Variants in FGD4 observed in about 807,000 individuals in gnomAD.
FGD4 encodes the protein FYVE, RhoGEF and PH domain-containing protein 4.
FGD4 carries 42 observed loss-of-function variants against 102.0 expected under a neutral mutation model. That is an observed-to-expected ratio of 0.41 (90% CI 0.32 to 0.53). The LOEUF (loss-of-function observed/expected upper bound fraction) is 0.53. Among genes scored for constraint, FGD4 ranks in the 20% least tolerant of loss-of-function variants. The pLI is 0.21. For synonymous variants in FGD4, 380 were observed against 375.7 expected, an observed-to-expected ratio of 1.01 and a Z score of -0.13; for missense variants, 902 against 1,078.2, an observed-to-expected ratio of 0.84 and a Z score of 2.29.
At position 32,619,833 on chromosome 12, in the gene FGD4, G is replaced by A. The variant is rs1949692662; in HGVS notation, c.1885G>A (p.Val629Met). 1.2e-6 allele frequency: 2 copies of A among 1,614,058 alleles called. No homozygotes were observed. Among genetic ancestry groups the A allele is most frequent in the Non-Finnish European group, 1.7e-6 (2 of 1,179,964 alleles). ...TGAAGAATATCCACATACTTTCCAG[G>A]TGTCTGGGAAAGAGAGAACACTGGA... The part of the protein sequence containing the change: ...QNEEYPHTFQ[V>M]SGKERTLELQ... Residue 629 changes from valine to methionine, a missense_variant, in exon 11 of 17, where the codon GTG becomes ATG. Physicochemically the swap from Val to Met is conservative, Grantham distance 21. Coordinates refer to ENST00000534526, the MANE Select transcript of FGD4 (RefSeq NM_001370298.3).
At chr12:32,401,283 G>T (rs185383952) in intron 1 of FGD4, among the ~76,000 whole-genome samples, 1 of 152,096 alleles carries the variant, frequency 6.6e-6, no homozygotes, top group African/African-American at 2.4e-5. Context: ...TTTGTGAGAC[G>T]GAGTCTCACT....
chr12:32,417,979 C>T (rs1941486748), intron 1 of FGD4, among the ~76,000 whole-genome samples: 1 of 117,982 alleles, frequency 8.5e-6, no homozygotes, highest in Non-Finnish European at 1.7e-5. Flanking sequence ...TTTTTTGAGA[C>T]AGAGTCTCGC....
At chr12:32,578,226 A>G (rs1592280834) in intron 3 of FGD4, among the ~76,000 whole-genome samples, 1 of 152,152 alleles carries the variant, frequency 6.6e-6, no homozygotes, top group African/African-American at 2.4e-5. Flanking sequence ...TTTGTGGTAG[A>G]GTCCACTGCC....
chr12:32,406,426 C>T (rs369044172), intron 1 of FGD4, among the ~76,000 whole-genome samples: 8 of 151,594 alleles, frequency 5.3e-5, no homozygotes, highest in African/African-American at 7.3e-5. Flanking sequence ...TGGTGGTGGG[C>T]GCCTGTAATC....
At chr12:32,632,709 A>ATTTT (rs1218752600) in intron 14 of FGD4, among the ~76,000 whole-genome samples, 7 of 124,460 alleles carry the variant, frequency 5.6e-5, no homozygotes, top group African/African-American at 1.9e-4. Context: ...TTATTTATTT[A>ATTTT]TTTATTTTTT....
At chr12:32,624,674 A>G (rs1481760142) in intron 12 of FGD4, 4 of 673,692 alleles carry the variant, frequency 5.9e-6, no homozygotes, top group Non-Finnish European at 1.1e-5. Flanking sequence ...AGGTTTTGCC[A>G]TGCTGCCCAG....
At chr12:32,616,618 T>C (rs1032055578) in intron 10 of FGD4, among the ~76,000 whole-genome samples, 2 of 152,212 alleles carry the variant, frequency 1.3e-5, no homozygotes, top group South Asian at 4.1e-4. Flanking sequence ...ATTTTTATTT[T>C]CTTTTCTCTC....
intron 1 of FGD4, among the ~76,000 whole-genome samples, chr12:32,562,247 T>TA (rs1944665543): frequency 6.6e-6 from 1 of 152,226 alleles, no homozygotes; most frequent in South Asian, 2.1e-4. Context: ...GGCCTGTGTA[T>TA]AACAGTCTTC....
chr12:32,445,495 C>CT (rs1318015697), intron 1 of FGD4, among the ~76,000 whole-genome samples: 1 of 152,160 alleles, frequency 6.6e-6, no homozygotes, highest in Non-Finnish European at 1.5e-5. Context: ...TGGGTGAGGA[C>CT]TGAAGAACAC....
rs58688697 is a variant in FGD4 at position 32,585,834 on chromosome 12, CAAAAAAAAA to C, written c.1011+3385_1011+3393del. 2.9e-4 allele frequency among the ~76,000 whole-genome samples: 20 copies of C among 68,812 alleles called. No homozygotes were observed. The South Asian group carries it at 6.3e-3, about 22-fold the overall frequency. The allele number at this position is 68,812 out of a possible 152,430, so 45.1% of individuals were successfully genotyped here. On this transcript the variant is annotated intron_variant, in intron 4 of 16. Transcript: ENST00000534526. ...GGGCCACAGAGCTGAGACCTTGTCT[CAAAAAAAAA>C]AAAAAAAAAAAAAAAAAGGGAAATG...
chr12:32,442,311 C>G (rs112617203), intron 1 of FGD4, among the ~76,000 whole-genome samples: 5 of 152,016 alleles, frequency 3.3e-5, no homozygotes, highest in African/African-American at 7.3e-5. Flanking sequence ...CCTCAGCCCC[C>G]CAAAGTGCTG....
At chr12:32,485,100 T>A (rs1163250461) in intron 1 of FGD4, among the ~76,000 whole-genome samples, 2 of 152,006 alleles carry the variant, frequency 1.3e-5, no homozygotes, top group Non-Finnish European at 2.9e-5. Context: ...AGAGATGGGG[T>A]CTCACCATGT....
At chr12:32,509,137 G>A (rs1156302314) in intron 1 of FGD4, among the ~76,000 whole-genome samples, 1 of 151,958 alleles carries the variant, frequency 6.6e-6, no homozygotes, top group Non-Finnish European at 1.5e-5. Flanking sequence ...AATGTTAGGA[G>A]GTATAGTACA....
At chr12:32,416,148 T>C (rs1941404165) in intron 1 of FGD4, among the ~76,000 whole-genome samples, 1 of 152,160 alleles carries the variant, frequency 6.6e-6, no homozygotes, top group South Asian at 2.1e-4. Flanking sequence ...TACAGGTGTA[T>C]GCCACCATGC....
rs1951104872 is a variant in FGD4, at chr12:32,640,466, G to T, written c.2645G>T (p.Gly882Val). The T allele has an allele frequency of 2.5e-6, 4 of 1,614,000 alleles. No individual in the cohort carries two copies. The highest frequency in any genetic ancestry group is 3.4e-6 in the Non-Finnish European group (4 of 1,180,026). ...ILLAVTGETP[G>V]GPNEHPATLD... ...TTAGCTGTCACAGGTGAGACACCAG[G>T]TGGTCCAAATGAGCATCCAGCCACC... The change falls in exon 17 of 17, where the codon GGT (glycine) becomes GTT (valine). Residue 882 changes from glycine to valine, a missense_variant. Gly to Val is a moderately radical substitution (Grantham distance 109, BLOSUM62 -3). Transcript: ENST00000534526.
intron 10 of FGD4, among the ~76,000 whole-genome samples, chr12:32,615,003 T>A (rs902864998): frequency 6.6e-6 from 1 of 152,208 alleles, no homozygotes; most frequent in Non-Finnish European, 1.5e-5. Context: ...AAAACATGTG[T>A]CTGCACAAAA....
chr12:32,552,434 ATTTTTTTT>A (rs66646521), intron 1 of FGD4, among the ~76,000 whole-genome samples: 15 of 120,968 alleles, frequency 1.2e-4, no homozygotes, highest in East Asian at 5.5e-4. Context: ...TAATTTTTGC[ATTTTTTTT>A]TTTTTTTTTT....
intron 15 of FGD4, among the ~76,000 whole-genome samples, chr12:32,637,324 T>C (rs10771971): frequency 0.46 from 69,127 of 151,620 alleles, 16,059 homozygotes; most frequent in Middle Eastern, 0.62. Context: ...TGGCCGGGCA[T>C]GGTGGCTCAC....
At chr12:32,472,956 G>A (rs1285073476) in intron 1 of FGD4, among the ~76,000 whole-genome samples, 1 of 152,044 alleles carries the variant, frequency 6.6e-6, no homozygotes, top group Non-Finnish European at 1.5e-5. Flanking sequence ...CTAGCTCAAG[G>A]TTTGTAAACA....
Sources: allele counts gnomAD v4.1 joint callset (sites outside exome capture counted in the v4.1 genomes callset), GRCh38; gene constraint gnomAD v4.1.1; transcripts MANE v1.5; gene names NCBI Gene and HGNC (gene_info 2026-07-23, HGNC 2026-07-21).